The following TEX15 variants were observed in gnomAD, a reference collection of about 807,000 sequenced individuals.
TEX15 encodes testis-expressed protein 15.
Under a neutral mutation model 237.3 loss-of-function variants are expected in TEX15, and 171 were observed. The observed-to-expected ratio is 0.72, with a 90% CI of 0.64 to 0.82. The LOEUF (loss-of-function observed/expected upper bound fraction) is 0.82, where lower values mean the gene tolerates loss of function less well. TEX15 is among the 40% of genes least tolerant of loss of function. TEX15 has a pLI of 0.00. For missense variants in TEX15, 3,750 were observed against 3,646.5 expected (o/e 1.03, Z -0.73); for synonymous variants, 1,338 against 1,269.8 (o/e 1.05, Z -1.14).
intron 2 of TEX15, chr8:30,890,694 T>G (rs1808778754): frequency 1.3e-5 from 2 of 152,238 alleles, no homozygotes; most frequent in Non-Finnish European, 2.9e-5. Flanking sequence ...TCTTAGTAAC[T>G]CACCTGTCTG....
At chr8:30,886,279 T>G (rs1288599862) in intron 3 of TEX15, among the ~76,000 whole-genome samples, 1 of 152,046 alleles carries the variant, frequency 6.6e-6, no homozygotes, top group Non-Finnish European at 1.5e-5. Flanking sequence ...TATGCAGAGG[T>G]GAAGTTCTGG....
intron 10 of TEX15, among the ~76,000 whole-genome samples, chr8:30,834,670 A>G (rs910403993): frequency 1.3e-5 from 2 of 152,184 alleles, no homozygotes; most frequent in African/African-American, 4.8e-5. Context: ...CTATGGTCCT[A>G]CGGGAGAACA....
intron 3 of TEX15, among the ~76,000 whole-genome samples, chr8:30,886,660 C>T (rs1235684485): frequency 1.3e-5 from 2 of 152,170 alleles, no homozygotes; most frequent in Admixed American, 6.5e-5. Context: ...CCTCCTCTGC[C>T]ATCACCCCAG....
At chr8:30,904,992 A>C (rs181076078) in intron 1 of TEX15, among the ~76,000 whole-genome samples, 7 of 152,338 alleles carry the variant, frequency 4.6e-5, no homozygotes, top group Admixed American at 3.9e-4. Context: ...GAGTTCACTT[A>C]CACATTTTCT....
intron 5 of TEX15, among the ~76,000 whole-genome samples, chr8:30,866,288 A>G (rs1048211264): frequency 5.9e-5 from 9 of 151,602 alleles, no homozygotes; most frequent in African/African-American, 1.9e-4. Flanking sequence ...GGAAGGGAGA[A>G]AGGGAGAAAA....
intron 2 of TEX15, among the ~76,000 whole-genome samples, chr8:30,894,790 T>G (rs2128777739): frequency 6.6e-6 from 1 of 152,340 alleles, no homozygotes; most frequent in African/African-American, 2.4e-5. Flanking sequence ...AAGCCTAATG[T>G]GAAGGTATTG....
intron 3 of TEX15, among the ~76,000 whole-genome samples, chr8:30,886,531 CAGAAGGGA>C (rs1808649810): frequency 6.6e-6 from 1 of 152,140 alleles, no homozygotes; most frequent in East Asian, 1.9e-4. Flanking sequence ...GATGATGGCA[CAGAAGGGA>C]ATGCATTATT....
rs776936534 is a variant in TEX15, at chr8:30,848,632, T to C, written c.1535A>G (p.Asn512Ser). The change falls in exon 8 of 11, where the codon AAC (asparagine) becomes AGC (serine). Residue 512 changes from asparagine to serine, a missense_variant. Asn to Ser is a conservative substitution (Grantham distance 46). Coordinates refer to ENST00000643185, the MANE Select transcript of TEX15 (RefSeq NM_001350162.2). ...SVNDSQSWAH[N>S]MGSEDYDCIP... Reference sequence around the variant, plus strand: ...ACAGTCATAGTCCTCAGAGCCCATGTTGTGAGCCCAAGATTGTGAATCATT... The same window carrying C: ...ACAGTCATAGTCCTCAGAGCCCATGCTGTGAGCCCAAGATTGTGAATCATT... 2 of 1,614,042 alleles carry C rather than the reference T, an allele frequency of 1.2e-6. No homozygotes were observed. Among genetic ancestry groups the C allele is most frequent in the African/African-American group, 1.3e-5 (1 of 74,912 alleles).
At chr8:30,836,174 C>G (rs1207148321) in intron 10 of TEX15, among the ~76,000 whole-genome samples, 1 of 126,014 alleles carries the variant, frequency 7.9e-6, no homozygotes, top group Non-Finnish European at 1.6e-5. Context: ...ATTAAAAACC[C>G]TTTAATGGTT....
chr8:30,864,618 G>GA lies in TEX15; in HGVS notation c.540+2646dup, dbSNP rs200930589. Among the ~76,000 whole-genome samples the GA allele has an allele frequency of 5.2e-3, 419 of 81,354 alleles. 1 individual carries two copies. The highest frequency in any genetic ancestry group is 0.017 in the East Asian group (33 of 1,932). The allele number at this position is 81,354 out of a possible 152,430, so 53.4% of individuals were successfully genotyped here. ...ATAGGAGGGATAATTTCCCAGACCA[G>GA]AAAAAAAAAAAAAAAAAAAGGCTGA... On this transcript the variant is annotated intron_variant, in intron 5 of 10. Coordinates refer to ENST00000643185, the MANE Select transcript of TEX15 (RefSeq NM_001350162.2).
intron 1 of TEX15, among the ~76,000 whole-genome samples, chr8:30,905,074 C>T (rs1160669784): frequency 6.6e-6 from 1 of 152,072 alleles, no homozygotes; most frequent in African/African-American, 2.4e-5. Context: ...TTACTAATGT[C>T]CCTATCAAGA....
intron 5 of TEX15, among the ~76,000 whole-genome samples, chr8:30,867,021 A>G (rs1242514517): frequency 6.6e-6 from 1 of 151,264 alleles, no homozygotes; most frequent in African/African-American, 2.4e-5. Flanking sequence ...AAAAATATAC[A>G]TATTGGGAAG....
chr8:30,912,207 G>A (rs1809236142), intron 1 of TEX15, among the ~76,000 whole-genome samples: 1 of 152,176 alleles, frequency 6.6e-6, no homozygotes, highest in Non-Finnish European at 1.5e-5. Flanking sequence ...CATGGTCCGA[G>A]CGCGGGCTCT....
At chr8:30,862,583 A>G (rs1477410939) in intron 5 of TEX15, among the ~76,000 whole-genome samples, 1 of 152,092 alleles carries the variant, frequency 6.6e-6, no homozygotes, top group Non-Finnish European at 1.5e-5. Flanking sequence ...ACTTTTTAAT[A>G]TAAAAGTAAA....
intron 3 of TEX15, among the ~76,000 whole-genome samples, chr8:30,881,520 G>A (rs2128774732): frequency 6.6e-6 from 1 of 150,638 alleles, no homozygotes; most frequent in Non-Finnish European, 1.5e-5. Flanking sequence ...TTTTTCCTTT[G>A]TCAGACTTGA....
At position 30,847,977 on chromosome 8, in the gene TEX15, C is replaced by T. The variant is rs1807662346; in HGVS notation, c.2190G>A (p.Glu730=). ...LSQKHPQHSV[E]YEGNIHTSLA... ...AACTTGTATGAATGTTACCCTCATA[C>T]TCCACAGAGTGCTGAGGATGCTTTT... is the stretch of plus-strand genomic sequence containing the variant. Residue 730 remains glutamate, a synonymous_variant, in exon 8 of 11, where the codon GAG becomes GAA. Coordinates refer to ENST00000643185, the MANE Select transcript of TEX15 (RefSeq NM_001350162.2). 5.0e-6 allele frequency: 8 copies of T among 1,613,924 alleles called. No individual in the cohort carries two copies. The highest frequency in any genetic ancestry group is 1.7e-5 in the Admixed American group (1 of 60,012).
At position 30,842,744 on chromosome 8, in the gene TEX15, G is replaced by A; in HGVS notation, c.7423C>T (p.Leu2475Phe). 1 of 1,613,444 alleles carries A rather than the reference G, an allele frequency of 6.2e-7. No individual in the cohort carries two copies. The highest frequency in any genetic ancestry group is 1.1e-5 in the South Asian group (1 of 91,026). Residue 2475 changes from leucine to phenylalanine, a missense_variant, in exon 8 of 11, where the codon CTT (leucine) becomes TTT (phenylalanine). Transcript: ENST00000643185. ...GGAAGAAGTGACAAATCAAACCAAA[G>A]CATACCTCGAAACCTCTGTTTGTCT... ...KLDKQRFRGM[L>F]WFDLSLLPEL...
At chr8:30,862,632 A>C (rs892357325) in intron 5 of TEX15, among the ~76,000 whole-genome samples, 2 of 152,198 alleles carry the variant, frequency 1.3e-5, no homozygotes, top group Non-Finnish European at 2.9e-5. Context: ...AAAAATTGTA[A>C]GGAGTTATGC....
rs564387085 is a variant in TEX15 at position 30,904,378 on chromosome 8, T to C, written c.-85-5561A>G. Among the ~76,000 whole-genome samples the C allele has an allele frequency of 2.0e-4, 28 of 143,434 alleles. 1 individual carries two copies. The highest frequency in any genetic ancestry group is 1.5e-3 in the South Asian group (7 of 4,630). 94.1% of individuals were successfully genotyped at this position (143,434 alleles called of 152,430 possible). ...AGGAGAATTGCTTGAATCCAGGAGA[T>C]GGAGGTTGCAGTGAGCCAACATGGT... On this transcript the variant is annotated intron_variant, in intron 1 of 10. Coordinates refer to ENST00000643185, the MANE Select transcript of TEX15 (RefSeq NM_001350162.2).
Sources: gnomAD v4.1 joint callset for allele counts (sites outside exome capture counted in the v4.1 genomes callset) on GRCh38, gnomAD v4.1.1 for gene constraint, MANE v1.5 for transcripts, NCBI Gene and HGNC (gene_info 2026-07-23, HGNC 2026-07-21) for gene names.